Variants in AOAH observed in about 807,000 individuals in gnomAD.
AOAH encodes the protein acyloxyacyl hydrolase (neutrophil).
In AOAH, 64 loss-of-function variants were observed where a neutral mutation model predicts 92.2. That is an observed-to-expected ratio of 0.69 (90% CI 0.57 to 0.86). The LOEUF is 0.86. Ranked by LOEUF, AOAH falls within the 40% of genes least tolerant of loss-of-function variation. AOAH has a pLI of 0.00. For missense variants in AOAH, 656 were observed against 694.6 expected (o/e 0.94, Z 0.62); for synonymous variants, 263 against 254.5 (o/e 1.03, Z -0.32).
At chr7:36,678,612 C>CGT (rs1554314474) in intron 2 of AOAH, among the ~76,000 whole-genome samples, 8 of 111,554 alleles carry the variant, frequency 7.2e-5, no homozygotes, top group African/African-American at 2.4e-4. Context: ...CGCGCGCGCG[C>CGT]GCGTTAGAAT....
intron 1 of AOAH, chr7:36,690,297 A>T (rs1797315012): frequency 2.7e-6 from 1 of 377,082 alleles, no homozygotes; most frequent in Admixed American, 3.3e-5. Flanking sequence ...TATGATGATC[A>T]AAAGGACCCT....
At chr7:36,708,453 C>T (rs1371835277) in intron 1 of AOAH, among the ~76,000 whole-genome samples, 1 of 152,080 alleles carries the variant, frequency 6.6e-6, no homozygotes, top group Non-Finnish European at 1.5e-5. Flanking sequence ...TGAACACTGT[C>T]ACAATATTTT....
At chr7:36,562,874 C>A (rs1052282320) in intron 13 of AOAH, among the ~76,000 whole-genome samples, 5 of 152,086 alleles carry the variant, frequency 3.3e-5, no homozygotes, top group Non-Finnish European at 7.4e-5. Context: ...GCAGGCCAGA[C>A]GCGGTGGCTC....
chr7:36,711,079 T>C (rs758439667), intron 1 of AOAH, among the ~76,000 whole-genome samples: 60 of 152,130 alleles, frequency 3.9e-4, no homozygotes, highest in Admixed American at 9.2e-4. Context: ...TGCCTTACTA[T>C]TGCTTCCACA....
chr7:36,576,574 C>A lies in AOAH; in HGVS notation c.1021G>T (p.Gly341Cys). 2 of 1,544,098 alleles carry A rather than the reference C, an allele frequency of 1.3e-6. No homozygotes were observed. Among genetic ancestry groups the A allele is most frequent in the African/African-American group, 1.4e-5 (1 of 72,324 alleles). The change falls in exon 13 of 21, where the codon GGT becomes TGT. Residue 341 changes from glycine to cysteine, a missense_variant and splice_region_variant. Gly to Cys is a radical substitution (Grantham distance 159, BLOSUM62 -3). Transcript: ENST00000617537. ...AAGGCTTAAATGGAAAGTTACGTAC[C>A]ATTTCTTGAAATATTCTGGTAGTCC... Reference protein sequence around the residue: ...HRDYQNISRNGASSRNLKKFI... With the variant: ...HRDYQNISRNCASSRNLKKFI...
chr7:36,546,224 T>C (rs560216453), intron 15 of AOAH, among the ~76,000 whole-genome samples: 2 of 152,342 alleles, frequency 1.3e-5, no homozygotes, highest in East Asian at 3.9e-4. Context: ...AGAGCTAGCA[T>C]TGTCATAGAA....
intron 1 of AOAH, among the ~76,000 whole-genome samples, chr7:36,712,667 G>A (rs1489261479): frequency 1.3e-5 from 2 of 152,098 alleles, no homozygotes; most frequent in Non-Finnish European, 2.9e-5. Context: ...AGAGAGTGGG[G>A]GCCAATATTC....
Position 36,538,929 on chromosome 7 carries a change from G to A in AOAH, c.1306+1390C>T, listed in dbSNP as rs189615985. On this transcript the variant is annotated intron_variant, in intron 16 of 20. Transcript: ENST00000617537. ...TTATTGGTGGAGAATAGGGAATGTG[G>A]GTGTCCACCATTGTCCCTCCAACTA... 4.2e-4 allele frequency among the ~76,000 whole-genome samples: 64 copies of A among 152,302 alleles called. 1 individual carries two copies. The highest frequency in any genetic ancestry group is 3.7e-3 in the Admixed American group (57 of 15,298).
intron 12 of AOAH, among the ~76,000 whole-genome samples, chr7:36,582,647 A>T (rs982152236): frequency 4.6e-5 from 7 of 152,216 alleles, no homozygotes; most frequent in African/African-American, 1.7e-4. Flanking sequence ...AGAGTAATGT[A>T]GACAAATTAA....
chr7:36,646,813 C>T (rs1794252427), intron 4 of AOAH, among the ~76,000 whole-genome samples: 2 of 152,132 alleles, frequency 1.3e-5, no homozygotes, highest in South Asian at 4.1e-4. Flanking sequence ...CTAATGCTTG[C>T]CTCTTGTAAG....
intron 12 of AOAH, among the ~76,000 whole-genome samples, chr7:36,583,829 C>T (rs1285120450): frequency 2.0e-5 from 3 of 152,120 alleles, no homozygotes; most frequent in African/African-American, 7.2e-5. Context: ...CTCTCTCCAT[C>T]CTGGCCTTTC....
chr7:36,622,882 C>T (rs1272889549), intron 7 of AOAH, among the ~76,000 whole-genome samples: 1 of 151,914 alleles, frequency 6.6e-6, no homozygotes, highest in African/African-American at 2.4e-5. Context: ...TCTGACTTTA[C>T]TAAAAATACA....
At chr7:36,566,338 A>G (rs1239356885) in intron 13 of AOAH, among the ~76,000 whole-genome samples, 1 of 143,876 alleles carries the variant, frequency 7.0e-6, no homozygotes, top group East Asian at 2.0e-4. Flanking sequence ...ACTCATTTAT[A>G]GTTTGTCTCT....
intron 3 of AOAH, among the ~76,000 whole-genome samples, chr7:36,665,154 T>C (rs185866589): frequency 5.8e-4 from 89 of 152,290 alleles, no homozygotes; most frequent in Admixed American, 5.2e-3. Flanking sequence ...TTGACAGTAT[T>C]GATTCCCTCT....
chr7:36,552,100 A>G (rs1786302901), intron 13 of AOAH, among the ~76,000 whole-genome samples: 1 of 152,182 alleles, frequency 6.6e-6, no homozygotes, highest in Non-Finnish European at 1.5e-5. Flanking sequence ...TTACATAGGT[A>G]AATATGTGCC....
chr7:36,678,583 GTGTGTGTGTGT>G (rs1562687989), intron 2 of AOAH, among the ~76,000 whole-genome samples: 1 of 133,624 alleles, frequency 7.5e-6, no homozygotes, highest in Non-Finnish European at 1.6e-5. Context: ...GTGTGTGTGT[GTGTGTGTGTGT>G]GTGTGTGCGC....
At chr7:36,623,358 A>C in intron 6 of AOAH, 108 bp from the exon 7 acceptor site, 3 of 938,108 alleles carry the variant, frequency 3.2e-6, no homozygotes. Flanking sequence ...AGTTTATGCC[A>C]CAGAGGGCCA....
At chr7:36,588,649 CT>C (rs1789522993) in intron 12 of AOAH, among the ~76,000 whole-genome samples, 1 of 152,158 alleles carries the variant, frequency 6.6e-6, no homozygotes, top group Non-Finnish European at 1.5e-5. Flanking sequence ...AATTTTCTGG[CT>C]TTACTGCCCC....
At chr7:36,592,088 T>G (rs938621132) in intron 12 of AOAH, among the ~76,000 whole-genome samples, 19 of 152,226 alleles carry the variant, frequency 1.2e-4, no homozygotes, top group African/African-American at 4.6e-4. Context: ...AAAGGTACAG[T>G]AAACTGTGTT....
Sources: allele counts gnomAD v4.1 joint callset (sites outside exome capture counted in the v4.1 genomes callset), GRCh38; gene constraint gnomAD v4.1.1; transcripts MANE v1.5; gene names NCBI Gene and HGNC (gene_info 2026-07-23, HGNC 2026-07-21).